The following RGS17 variants were observed in gnomAD, a reference collection of about 807,000 sequenced individuals.
The protein encoded by RGS17 is regulator of G protein signaling 17.
Under a neutral mutation model 25.5 loss-of-function variants are expected in RGS17, and 12 were observed. The observed-to-expected ratio is 0.47, with a 90% CI of 0.30 to 0.76. The LOEUF (loss-of-function observed/expected upper bound fraction) is 0.76. Among genes scored for constraint, RGS17 ranks in the 30% least tolerant of loss-of-function variants. The probability of loss-of-function intolerance (pLI) is 0.07; values close to 1 mark genes in which losing one functional copy is unlikely to be tolerated. For synonymous variants in RGS17, 71 were observed against 76.9 expected, an observed-to-expected ratio of 0.92 and a Z score of 0.40; for missense variants, 196 against 242.2, an observed-to-expected ratio of 0.81 and a Z score of 1.27.
At chr6:153,011,841 A>AT (rs1779137211) in intron 4 of RGS17, 79 bp from the exon 5 acceptor site, 1 of 1,050,864 alleles carries the variant, frequency 9.5e-7, no homozygotes, top group South Asian at 1.8e-5. Flanking sequence ...GGTTTGTGAC[A>AT]TTTTAGAGAA....
chr6:153,097,785 G>C (rs1404398922), intron 1 of RGS17, among the ~76,000 whole-genome samples: 1 of 152,078 alleles, frequency 6.6e-6, no homozygotes, highest in African/African-American at 2.4e-5. Context: ...AGTATGCCTG[G>C]AGTGAAGATT....
chr6:153,108,041 C>T (rs144400186), intron 1 of RGS17, among the ~76,000 whole-genome samples: 1 of 152,070 alleles, frequency 6.6e-6, no homozygotes, highest in African/African-American at 2.4e-5. Context: ...GATTGGAAAC[C>T]CTGAGTTCAT....
chr6:153,094,203 G>A (rs1413357527), intron 1 of RGS17, among the ~76,000 whole-genome samples: 1 of 151,856 alleles, frequency 6.6e-6, no homozygotes, highest in East Asian at 1.9e-4. Context: ...AGCCTCCTGG[G>A]TAGCCGGGAC....
At chr6:153,123,331 A>C (rs890014659) in intron 1 of RGS17, among the ~76,000 whole-genome samples, 1 of 152,282 alleles carries the variant, frequency 6.6e-6, no homozygotes, top group East Asian at 1.9e-4. Flanking sequence ...GCCCGGTCAA[A>C]GATTTAATGA....
At position 153,024,090 on chromosome 6, in the gene RGS17, C is replaced by A. The variant is rs906707214; in HGVS notation, c.444+172G>T. Among the ~76,000 whole-genome samples, 10 of 152,224 alleles carry A rather than the reference C, an allele frequency of 6.6e-5. No homozygotes were observed. The East Asian group carries it at 1.7e-3, about 26-fold the overall frequency. On this transcript the variant is annotated intron_variant, in intron 4 of 4. Transcript: ENST00000206262. ...AAACAGTCAAAGCATAGTAGGGAAA[C>A]CTAGCCTTCAAACATGTGTTCAAGG...
chr6:153,117,438 A>T (rs6932473), intron 1 of RGS17, among the ~76,000 whole-genome samples: 50,066 of 152,036 alleles, frequency 0.33, 8,795 homozygotes, highest in East Asian at 0.67. Flanking sequence ...CACAAAGCCT[A>T]ACCATATCAG....
chr6:153,038,552 T>C (rs1446376181), intron 2 of RGS17, among the ~76,000 whole-genome samples: 1 of 152,216 alleles, frequency 6.6e-6, no homozygotes, highest in East Asian at 1.9e-4. Context: ...AGGAATAACG[T>C]ATTCTGCCAT....
At chr6:153,129,873 G>A (rs1325017625) in intron 1 of RGS17, among the ~76,000 whole-genome samples, 4 of 152,336 alleles carry the variant, frequency 2.6e-5, no homozygotes, top group South Asian at 2.1e-4. Flanking sequence ...CCGGGCGACA[G>A]GGGTTCTCCC....
chr6:153,065,832 A>G (rs1776699303), intron 1 of RGS17, among the ~76,000 whole-genome samples: 1 of 152,174 alleles, frequency 6.6e-6, no homozygotes, highest in African/African-American at 2.4e-5. Context: ...AACAAAGAAG[A>G]AAAACTTCAA....
intron 1 of RGS17, among the ~76,000 whole-genome samples, chr6:153,095,908 A>G (rs1777201196): frequency 6.6e-6 from 1 of 152,234 alleles, no homozygotes; most frequent in Non-Finnish European, 1.5e-5. Flanking sequence ...GTTATAATAC[A>G]CAACCAATTA....
intron 1 of RGS17, among the ~76,000 whole-genome samples, chr6:153,113,318 TA>T (rs1386277287): frequency 6.6e-6 from 1 of 151,534 alleles, no homozygotes; most frequent in African/African-American, 2.4e-5. Flanking sequence ...CCAACAAAAA[TA>T]AAAAAAGACA....
chr6:153,105,288 G>A (rs74682735), intron 1 of RGS17, among the ~76,000 whole-genome samples: 2,742 of 152,140 alleles, frequency 0.018, 38 homozygotes, highest in Middle Eastern at 0.058. Context: ...TTGTTGCTGT[G>A]CTATAAACTG....
In RGS17 at chr6:153,005,596, T is replaced by G. The variant is rs1268654016; in HGVS notation, c.*5978A>C. 1 of 152,206 alleles carries G rather than the reference T, an allele frequency of 6.6e-6. No homozygotes were observed. The highest frequency in any genetic ancestry group is 1.5e-5 in the Non-Finnish European group (1 of 68,050). The allele number at this position is 152,206 out of a possible 1,614,324, so 9.4% of individuals were successfully genotyped here. A position where few individuals can be genotyped will look rare whatever the true frequency, so the allele number is the denominator to read the frequency against. On this transcript the variant is annotated 3_prime_UTR_variant, in exon 5 of 5. Transcript: ENST00000206262. ...TCCCGGTGATGGCATATACCTTTGA[T>G]ACCATGTGATGAGCATGGCACTTTA...
At chr6:153,026,664 A>G (rs1466109035) in intron 2 of RGS17, 121 bp from the exon 3 acceptor site, 7 of 639,190 alleles carry the variant, frequency 1.1e-5, no homozygotes, top group East Asian at 5.6e-5. Flanking sequence ...GAGAATATTT[A>G]AAGTATAAAA....
At chr6:153,117,995 G>A (rs764576896) in intron 1 of RGS17, among the ~76,000 whole-genome samples, 1 of 152,212 alleles carries the variant, frequency 6.6e-6, no homozygotes, top group Non-Finnish European at 1.5e-5. Flanking sequence ...TAGGAAGACA[G>A]TTCTTAGAGT....
At chr6:153,070,111 G>A (rs1016577285) in intron 1 of RGS17, among the ~76,000 whole-genome samples, 16 of 152,082 alleles carry the variant, frequency 1.1e-4, no homozygotes, top group African/African-American at 3.9e-4. Context: ...TTTGCATGAT[G>A]ATGAAGGAAT....
intron 1 of RGS17, among the ~76,000 whole-genome samples, chr6:153,057,280 G>A (rs62436153): frequency 0.18 from 27,493 of 152,024 alleles, 2,918 homozygotes; most frequent in South Asian, 0.24. Flanking sequence ...AGATGCCGTT[G>A]CAGTAAGATC....
At chr6:153,088,011 T>C (rs147282545) in intron 1 of RGS17, among the ~76,000 whole-genome samples, 103 of 152,306 alleles carry the variant, frequency 6.8e-4, no homozygotes, top group African/African-American at 2.4e-3. Context: ...TCATGGCTTC[T>C]GTTTTGGGCT....
At chr6:153,052,795 A>G (rs1776478372) in intron 1 of RGS17, among the ~76,000 whole-genome samples, 2 of 152,126 alleles carry the variant, frequency 1.3e-5, no homozygotes, top group Admixed American at 1.3e-4. Flanking sequence ...CTCCTCAAAC[A>G]CATATGTTGA....
Sources: gnomAD v4.1 joint callset for allele counts (sites outside exome capture counted in the v4.1 genomes callset) on GRCh38, gnomAD v4.1.1 for gene constraint, MANE v1.5 for transcripts, NCBI Gene and HGNC (gene_info 2026-07-23, HGNC 2026-07-21) for gene names.